PKHD1: variants seen among roughly 807,000 people sequenced by gnomAD.
The protein encoded by PKHD1 is PKHD1 ciliary IPT domain containing fibrocystin/polyductin, also known as fibrocystin.
In PKHD1, 291 loss-of-function variants were observed where a neutral mutation model predicts 412.0. The ratio of observed to expected loss-of-function variants is 0.71; its 90% CI spans 0.64 to 0.78. The LOEUF (loss-of-function observed/expected upper bound fraction) is 0.78, where lower values mean the gene tolerates loss of function less well. Among genes scored for constraint, PKHD1 ranks in the 30% least tolerant of loss-of-function variants. The pLI is 0.00. For synonymous variants in PKHD1, 1,777 were observed against 1,821.5 expected, an observed-to-expected ratio of 0.98 and a Z score of 0.62; for missense variants, 4,825 against 4,950.7, an observed-to-expected ratio of 0.97 and a Z score of 0.76.
chr6:51,924,723 T>C (rs1038773370), intron 37 of PKHD1, among the ~76,000 whole-genome samples: 9 of 152,176 alleles, frequency 5.9e-5, no homozygotes, highest in Non-Finnish European at 1.3e-4. Context: ...ATGGACATGA[T>C]AAGAGGAATG....
intron 34 of PKHD1, among the ~76,000 whole-genome samples, chr6:52,014,863 G>A (rs1261847183): frequency 6.6e-6 from 1 of 152,064 alleles, no homozygotes; most frequent in Non-Finnish European, 1.5e-5. Flanking sequence ...TGCCACAGAT[G>A]CACTTCTCCC....
intron 51 of PKHD1, among the ~76,000 whole-genome samples, chr6:51,833,238 A>T (rs1314492094): frequency 6.6e-6 from 1 of 152,172 alleles, no homozygotes; most frequent in Non-Finnish European, 1.5e-5. Context: ...CAGATGATGG[A>T]AACAAACATT....
At chr6:52,043,835 C>T (rs1805331066) in intron 25 of PKHD1, 105 bp from the exon 26 acceptor site, 5 of 753,236 alleles carry the variant, frequency 6.6e-6, no homozygotes, top group South Asian at 4.5e-5. Context: ...GTTCATGATT[C>T]GCTAATTCTT....
intron 43 of PKHD1, among the ~76,000 whole-genome samples, chr6:51,889,362 G>A (rs574834655): frequency 6.6e-6 from 1 of 152,246 alleles, no homozygotes; most frequent in Non-Finnish European, 1.5e-5. Flanking sequence ...CTCTATGCAG[G>A]GCTCAGTGGG....
At chr6:51,988,597 A>G (rs911907086) in intron 35 of PKHD1, among the ~76,000 whole-genome samples, 1 of 152,190 alleles carries the variant, frequency 6.6e-6, no homozygotes, top group Admixed American at 6.5e-5. Flanking sequence ...ATTACAGCCA[A>G]CTACCACCAC....
chr6:52,069,194 A>G (rs1810211272), intron 11 of PKHD1, among the ~76,000 whole-genome samples: 1 of 152,236 alleles, frequency 6.6e-6, no homozygotes, highest in Non-Finnish European at 1.5e-5. Flanking sequence ...AAGACAGAAT[A>G]AGGCAAGACT....
intron 65 of PKHD1, among the ~76,000 whole-genome samples, chr6:51,629,439 G>A (rs776245700): frequency 6.6e-6 from 1 of 151,980 alleles, no homozygotes. Context: ...AGACATACAT[G>A]TGGCCAAAAG....
At chr6:51,795,273 T>C (rs1323130664) in intron 52 of PKHD1, among the ~76,000 whole-genome samples, 1 of 152,180 alleles carries the variant, frequency 6.6e-6, no homozygotes, top group East Asian at 1.9e-4. Context: ...ACAGGTATTT[T>C]ACTCTTCTTG....
intron 31 of PKHD1, among the ~76,000 whole-genome samples, chr6:52,026,514 T>C (rs1276381590): frequency 1.3e-5 from 2 of 152,242 alleles, no homozygotes; most frequent in African/African-American, 4.8e-5. Context: ...AGTCTTCTTA[T>C]CATGTATTAT....
chr6:51,748,573 T>C lies in PKHD1; in HGVS notation c.9043A>G (p.Ile3015Val). The C allele has an allele frequency of 6.2e-7, 1 of 1,613,574 alleles. No individual in the cohort carries two copies. Among genetic ancestry groups the C allele is most frequent in the Non-Finnish European group, 8.5e-7 (1 of 1,179,674 alleles). ...EFSNVSAGSW[I>V]ISSTLHQSCG... ...CTCTGGTGCAGAGTAGATGATATGA[T>C]CCAGGATCCTGCTGACACATTACTG... The change falls in exon 58 of 67, where the codon ATC (isoleucine) becomes GTC (valine). Residue 3015 changes from isoleucine to valine, a missense_variant. Coordinates refer to ENST00000371117, the MANE Select transcript of PKHD1 (RefSeq NM_138694.4).
Position 51,632,697 on chromosome 6 carries a change from G to A in PKHD1, c.11533C>T (p.Pro3845Ser), listed in dbSNP as rs548244367. 5.0e-6 allele frequency: 8 copies of A among 1,613,476 alleles called. No individual in the cohort carries two copies. The highest frequency in any genetic ancestry group is 6.8e-6 in the Non-Finnish European group (8 of 1,179,612). The change falls in exon 65 of 67, where the codon CCA becomes TCA. Residue 3845 changes from proline (P) to serine (S), a missense_variant. Physicochemically the swap from Pro to Ser is moderately conservative, Grantham distance 74 (BLOSUM62 -1). Coordinates refer to ENST00000371117, the MANE Select transcript of PKHD1 (RefSeq NM_138694.4). ...CTAGTCACAGGCAAGACAGCAAATG[G>A]CTTGGATCGAGCTGTAAAATTGACT... is the stretch of plus-strand genomic sequence containing the variant. ...PGVNFTARSK[P>S]FAVLPVTRKE...
chr6:52,064,436 C>G (rs151078101), intron 13 of PKHD1, among the ~76,000 whole-genome samples: 3 of 152,220 alleles, frequency 2.0e-5, no homozygotes, highest in African/African-American at 7.2e-5. Flanking sequence ...CAGGCATAAC[C>G]TGGTGGCAAC....
At position 52,070,461 on chromosome 6, in the gene PKHD1, A is replaced by C; in HGVS notation, c.668-16T>G. The C allele has an allele frequency of 6.2e-7, 1 of 1,601,282 alleles. No individual in the cohort carries two copies. Among genetic ancestry groups the C allele is most frequent in the Non-Finnish European group, 8.6e-7 (1 of 1,168,758 alleles). ...TTCTGGGAGCCTGTAACACAAAGAAACACACATTAACTCAGGAATCTGCAC... is the reference window on the plus strand; with the variant it reads ...TTCTGGGAGCCTGTAACACAAAGAACCACACATTAACTCAGGAATCTGCAC... On this transcript the variant is annotated splice_polypyrimidine_tract_variant and intron_variant, in intron 9 of 66. Coordinates refer to ENST00000371117, the MANE Select transcript of PKHD1 (RefSeq NM_138694.4).
At chr6:51,912,629 G>A (rs998526669) in intron 37 of PKHD1, 53 bp from the exon 38 acceptor site, 23 of 1,161,660 alleles carry the variant, frequency 2.0e-5, no homozygotes, top group Middle Eastern at 1.9e-4. Context: ...TAATCAAAAC[G>A]TGATTAATTT....
chr6:51,825,913 A>G (rs1227171172), intron 52 of PKHD1, among the ~76,000 whole-genome samples: 1 of 151,918 alleles, frequency 6.6e-6, no homozygotes, highest in Non-Finnish European at 1.5e-5. Flanking sequence ...AAGGTACAAG[A>G]CCAAAATTTG....
intron 60 of PKHD1, among the ~76,000 whole-genome samples, chr6:51,730,787 T>C (rs1482835257): frequency 1.3e-5 from 2 of 152,220 alleles, no homozygotes; most frequent in Non-Finnish European, 2.9e-5. Flanking sequence ...GCTCAAGTAT[T>C]CCCTTCCATT....
rs1272633678 is a variant in PKHD1 at position 52,028,213 on chromosome 6, G to A, written c.3503C>T (p.Pro1168Leu). 1.2e-6 allele frequency: 2 copies of A among 1,614,190 alleles called. No individual in the cohort carries two copies. The highest frequency in any genetic ancestry group is 1.7e-6 in the Non-Finnish European group (2 of 1,180,030). The change falls in exon 30 of 67, where the codon CCA becomes CTA. Residue 1168 changes from proline (P) to leucine (L), a missense_variant. By Grantham distance (98) the Pro-to-Leu change is moderately conservative. Coordinates refer to ENST00000371117, the MANE Select transcript of PKHD1 (RefSeq NM_138694.4). ...GACGGAAATTCTGTGGAGACCAGCT[G>A]GCAGTGGGGGCAGTGCCACCTCCAG... ...WGLEVALPPL[P>L]AGLHRISVSI... is the part of the protein sequence containing the mutation.
chr6:51,809,222 A>C (rs1031637248), intron 52 of PKHD1, among the ~76,000 whole-genome samples: 2 of 152,130 alleles, frequency 1.3e-5, no homozygotes, highest in Admixed American at 6.6e-5. Flanking sequence ...ATAAGACTCT[A>C]GTTCGTCTGG....
At chr6:51,675,374 CT>C (rs1163552767) in intron 60 of PKHD1, among the ~76,000 whole-genome samples, 2 of 152,120 alleles carry the variant, frequency 1.3e-5, no homozygotes, top group African/African-American at 4.8e-5. Context: ...TTGTTTTTGT[CT>C]TTTCTTTTCT....
Sources: gnomAD v4.1 joint callset for allele counts (sites outside exome capture counted in the v4.1 genomes callset) on GRCh38, gnomAD v4.1.1 for gene constraint, MANE v1.5 for transcripts, NCBI Gene and HGNC (gene_info 2026-07-23, HGNC 2026-07-21) for gene names.